The following CIB4 variants were observed in gnomAD, a reference collection of about 807,000 sequenced individuals.
CIB4 encodes the protein calcium and integrin-binding family member 4.
A neutral mutation model predicts 25.8 loss-of-function variants in CIB4; 25 were observed. The ratio of observed to expected loss-of-function variants is 0.97; its 90% confidence interval spans 0.71 to 1.35. The LOEUF (loss-of-function observed/expected upper bound fraction) is 1.35, where lower values mean the gene tolerates loss of function less well. CIB4 is among the 40% of genes most tolerant of loss of function. The pLI is 0.00. For synonymous variants in CIB4, 75 were observed against 81.4 expected, an observed-to-expected ratio of 0.92 and a Z score of 0.42; for missense variants, 235 against 228.2, an observed-to-expected ratio of 1.03 and a Z score of -0.19.
chr2:26,640,413 G>T, intron 2 of CIB4, 120 bp downstream of exon 2: 1 of 1,072,922 alleles, frequency 9.3e-7, no homozygotes, highest in Non-Finnish European at 1.4e-6. Context: ...CCCATCTCCA[G>T]GGCTGTGTGG....
chr2:26,611,969 G>A (rs960487312), intron 3 of CIB4, among the ~76,000 whole-genome samples: 10 of 152,184 alleles, frequency 6.6e-5, no homozygotes, highest in South Asian at 2.1e-4. Context: ...TGTTAGGGTC[G>A]TTGGATGCTA....
chr2:26,596,133 T>C (rs919101120), intron 3 of CIB4, among the ~76,000 whole-genome samples: 1 of 152,242 alleles, frequency 6.6e-6, no homozygotes, highest in Non-Finnish European at 1.5e-5. Context: ...TTTTCTAATG[T>C]GGTTTTCCTA....
intron 3 of CIB4, among the ~76,000 whole-genome samples, chr2:26,619,276 T>C (rs942510848): frequency 1.9e-4 from 29 of 151,900 alleles, no homozygotes; most frequent in Middle Eastern, 6.8e-3. Flanking sequence ...GCTCCGGAGG[T>C]GCCTGGCTGC....
chr2:26,618,990 T>C (rs919362370), intron 3 of CIB4, among the ~76,000 whole-genome samples: 1 of 152,186 alleles, frequency 6.6e-6, no homozygotes, highest in Admixed American at 6.5e-5. Context: ...GTGAAGCCCC[T>C]GGCTGGTGAG....
At chr2:26,612,503 C>A (rs1308152887) in intron 3 of CIB4, among the ~76,000 whole-genome samples, 1 of 152,224 alleles carries the variant, frequency 6.6e-6, no homozygotes, top group Non-Finnish European at 1.5e-5. Flanking sequence ...CCTGAAAAAG[C>A]ACAGTGGTTC....
intron 2 of CIB4, among the ~76,000 whole-genome samples, chr2:26,636,693 T>C (rs2148228548): frequency 6.6e-6 from 1 of 151,434 alleles, no homozygotes; most frequent in African/African-American, 2.4e-5. Context: ...CCATAAGAGA[T>C]GATTTTTTTA....
rs1343273719 is a variant in CIB4 at position 26,582,894 on chromosome 2, A to G, written c.458T>C (p.Leu153Pro). 1 of 1,613,402 alleles carries G rather than the reference A, an allele frequency of 6.2e-7. No homozygotes were observed. Among genetic ancestry groups the G allele is most frequent in the Non-Finnish European group, 8.5e-7 (1 of 1,179,390 alleles). Reference protein sequence around the residue: ...LTNHVLSESDLDNDNMLSFSE... With the variant: ...LTNHVLSESDPDNDNMLSFSE... The stretch of plus-strand genomic sequence containing the variant: ...GAAGGACAGCATGTTGTCATTGTCC[A>G]GATCCGACTCACTCAGGACCTGGCG... Residue 153 changes from leucine (L) to proline (P), a missense_variant, in exon 6 of 7, where the codon CTG becomes CCG. Transcript: ENST00000288861.
At chr2:26,610,403 T>G (rs1193510721) in intron 3 of CIB4, among the ~76,000 whole-genome samples, 1 of 152,156 alleles carries the variant, frequency 6.6e-6, no homozygotes, top group Non-Finnish European at 1.5e-5. Context: ...GCTCAGTGAC[T>G]CTTTAAACAA....
chr2:26,629,864 C>T (rs922776855), intron 2 of CIB4, among the ~76,000 whole-genome samples: 4 of 152,114 alleles, frequency 2.6e-5, no homozygotes, highest in Admixed American at 1.3e-4. Flanking sequence ...TCCAGTCCCT[C>T]GGTTACGGAT....
chr2:26,631,591 C>T (rs1348061214), intron 2 of CIB4, among the ~76,000 whole-genome samples: 5 of 152,272 alleles, frequency 3.3e-5, no homozygotes, highest in African/African-American at 1.2e-4. Flanking sequence ...GTGGAGGCCT[C>T]GCACCCTGCC....
Position 26,583,771 on chromosome 2 carries a change from C to T in CIB4, c.438+18G>A, listed in dbSNP as rs748461172. 1.9e-6 allele frequency: 3 copies of T among 1,546,494 alleles called. No homozygotes were observed. Among genetic ancestry groups the T allele is most frequent in the Admixed American group, 1.7e-5 (1 of 59,900 alleles). On this transcript the variant is annotated intron_variant, in intron 5 of 6. Transcript: ENST00000288861. ...TATCCCCGGCCCCAGCCACCAACTC[C>T]CAGCCCCCAGCACACACGTGGTTCG...
At chr2:26,606,422 G>A (rs1295524308) in intron 3 of CIB4, among the ~76,000 whole-genome samples, 1 of 152,216 alleles carries the variant, frequency 6.6e-6, no homozygotes, top group East Asian at 1.9e-4. Context: ...AAGGGAGGGA[G>A]ATGTGGTGGA....
intron 6 of CIB4, among the ~76,000 whole-genome samples, chr2:26,582,318 C>T (rs1032271366): frequency 6.6e-6 from 1 of 152,198 alleles, no homozygotes; most frequent in African/African-American, 2.4e-5. Flanking sequence ...TTCAACGTGG[C>T]CAGGGAGATC....
intron 3 of CIB4, chr2:26,605,374 G>A: frequency 2.9e-6 from 1 of 347,292 alleles, no homozygotes; most frequent in Non-Finnish European, 6.0e-6. Context: ...ATCAGCTGGT[G>A]GATGGTGGAA....
At chr2:26,589,060 CTCTTCCTCTTCCTCTTCTTCTTCT>C (rs1668522329) in intron 4 of CIB4, among the ~76,000 whole-genome samples, 10 of 36,480 alleles carry the variant, frequency 2.7e-4, no homozygotes, top group Admixed American at 6.3e-4. Context: ...CTTCTTCTTC[CTCTTCCTCTTCCTCTTCTTCTTCT>C]TCTTCTTCTT....
chr2:26,625,153 G>C (rs1335484903), intron 3 of CIB4, among the ~76,000 whole-genome samples: 1 of 152,070 alleles, frequency 6.6e-6, no homozygotes, highest in African/African-American at 2.4e-5. Flanking sequence ...AGTGAGGAGG[G>C]CACCAGATCA....
intron 3 of CIB4, among the ~76,000 whole-genome samples, chr2:26,603,238 A>T (rs1198425728): frequency 6.6e-6 from 1 of 152,192 alleles, no homozygotes; most frequent in Admixed American, 6.5e-5. Flanking sequence ...AGAGGAACGA[A>T]AAACACGCAA....
chr2:26,586,347 C>T (rs1668452921), intron 4 of CIB4, among the ~76,000 whole-genome samples: 1 of 152,224 alleles, frequency 6.6e-6, no homozygotes, highest in Admixed American at 6.5e-5. Context: ...GACACTCTCA[C>T]CCAGAGATCC....
At chr2:26,605,429 G>T in intron 3 of CIB4, 1 of 462,240 alleles carries the variant, frequency 2.2e-6, no homozygotes. Flanking sequence ...GTGGCTGCCC[G>T]GAGGAAATGG....
Sources: gnomAD v4.1 joint callset for allele counts (sites outside exome capture counted in the v4.1 genomes callset) on GRCh38, gnomAD v4.1.1 for gene constraint, MANE v1.5 for transcripts, NCBI Gene and HGNC (gene_info 2026-07-23, HGNC 2026-07-21) for gene names.